MAP3K8: variants seen among roughly 807,000 people sequenced by gnomAD.
MAP3K8 encodes the protein Ewing sarcoma transformant.
Under a neutral mutation model 45.8 loss-of-function variants are expected in MAP3K8, and 22 were observed. That is an observed-to-expected ratio of 0.48 (90% confidence interval 0.34 to 0.69). MAP3K8 has a LOEUF of 0.69. Among genes scored for constraint, MAP3K8 ranks in the 30% least tolerant of loss-of-function variants. The pLI, the probability that MAP3K8 is intolerant of heterozygous loss-of-function variation, is 0.01. For synonymous variants in MAP3K8, 223 were observed against 214.3 expected, an observed-to-expected ratio of 1.04 and a Z score of -0.36; for missense variants, 419 against 585.0, an observed-to-expected ratio of 0.72 and a Z score of 2.93.
At position 30,451,729 on chromosome 10, in the gene MAP3K8, C is replaced by T. The variant is rs754968500; in HGVS notation, c.858C>T (p.Asp286=). Residue 286 remains aspartate, a synonymous_variant, in exon 6 of 9, where the codon GAC becomes GAT. Coordinates refer to ENST00000263056, the MANE Select transcript of MAP3K8 (RefSeq NM_005204.4). ...QMTEDVYFPK[D]LRGTEIYMSP... ...CCGAAGATGTCTATTTTCCTAAGGA[C>T]CTCCGAGGAACAGAGGTAATTATGT... The T allele has an allele frequency of 5.1e-6, 8 of 1,570,634 alleles. No individual in the cohort carries two copies. The Admixed American group carries it at 6.8e-5, about 13-fold the overall frequency.
At chr10:30,436,984 C>T (rs938007041) in intron 1 of MAP3K8, among the ~76,000 whole-genome samples, 192 bp from the exon 2 acceptor site, 25 of 151,822 alleles carry the variant, frequency 1.6e-4, no homozygotes, top group African/African-American at 6.1e-4. Flanking sequence ...AATGTTCCTC[C>T]ATTAATCTAA....
chr10:30,456,915 C>G (rs1464704167), intron 6 of MAP3K8, among the ~76,000 whole-genome samples: 1 of 152,126 alleles, frequency 6.6e-6, no homozygotes, highest in Non-Finnish European at 1.5e-5. Context: ...GAAACCCCAT[C>G]TCTACTAAAA....
Position 30,440,452 on chromosome 10 carries a change from A to G in MAP3K8, c.336+1178A>G, listed in dbSNP as rs142211111. Reference sequence around the variant, plus strand: ...ATACCACATTCATTTAATTAAAAACAACAGAGTAATTTAGGTCAGGTATGT... The same window carrying G: ...ATACCACATTCATTTAATTAAAAACGACAGAGTAATTTAGGTCAGGTATGT... On this transcript the variant is annotated intron_variant, in intron 3 of 8. Coordinates refer to ENST00000263056, the MANE Select transcript of MAP3K8 (RefSeq NM_005204.4). Among the ~76,000 whole-genome samples the G allele has an allele frequency of 5.3e-4, 81 of 152,332 alleles. No individual in the cohort carries two copies. The East Asian group carries it at 0.012, about 23-fold the overall frequency.
rs1036904872 is a variant in MAP3K8, at chr10:30,434,626, C to T, written c.-255+248C>T. On this transcript the variant is annotated intron_variant, in intron 1 of 8. Transcript: ENST00000263056. ...ACTCCTCCCCCTTCCTCCTCCTTCC[C>T]GTATCCGCAGCGCCAGGGCAGTGCT... 7.1e-6 allele frequency: 7 copies of T among 985,818 alleles called. No individual in the cohort carries two copies. In the African/African-American group the frequency reaches 1.0e-4, roughly 15 times the overall value. The allele number at this position is 985,818 out of a possible 1,614,324, so 61.1% of individuals were successfully genotyped here.
rs907046723 is a variant in MAP3K8 at position 30,461,353 on chromosome 10, C to T, written c.*517C>T. 1 of 209,108 alleles carries T rather than the reference C, an allele frequency of 4.8e-6. No individual in the cohort carries two copies. Among genetic ancestry groups the T allele is most frequent in the African/African-American group, 2.3e-5 (1 of 44,012 alleles). 13.0% of individuals were successfully genotyped at this position (209,108 alleles called of 1,614,324 possible). ...ACAACTTGAAGATTGTAGCAATAAGCTGGACTAGTGTCCTAAAAATGGCTA... is the reference window on the plus strand; with the variant it reads ...ACAACTTGAAGATTGTAGCAATAAGTTGGACTAGTGTCCTAAAAATGGCTA... On this transcript the variant is annotated 3_prime_UTR_variant, in exon 9 of 9. Transcript: ENST00000263056.
chr10:30,456,199 T>C (rs1433929153), intron 6 of MAP3K8, among the ~76,000 whole-genome samples: 1 of 152,216 alleles, frequency 6.6e-6, no homozygotes, highest in East Asian at 1.9e-4. Context: ...TTTATTTGAT[T>C]GTGGTAAGAA....
chr10:30,455,152 T>C (rs1245938032), intron 6 of MAP3K8, among the ~76,000 whole-genome samples: 1 of 152,212 alleles, frequency 6.6e-6, no homozygotes, highest in African/African-American at 2.4e-5. Flanking sequence ...AGTGCAAAAC[T>C]GTGCCTTGGT....
rs1302582568 is a variant in MAP3K8 at position 30,438,919 on chromosome 10, C to G, written c.-20C>G. The G allele has an allele frequency of 1.9e-6, 3 of 1,546,684 alleles. No homozygotes were observed. The highest frequency in any genetic ancestry group is 2.7e-6 in the Non-Finnish European group (3 of 1,130,704). On this transcript the variant is annotated 5_prime_UTR_variant, in exon 3 of 9. Coordinates refer to ENST00000263056, the MANE Select transcript of MAP3K8 (RefSeq NM_005204.4). ...ATATTTGTGTTTTCTTTCCTAGACT[C>G]TCCAGAAAGAGCAACAGTAATGGAG...
intron 6 of MAP3K8, among the ~76,000 whole-genome samples, chr10:30,454,597 T>A (rs1310057335): frequency 6.6e-6 from 1 of 150,726 alleles, no homozygotes; most frequent in Non-Finnish European, 1.5e-5. Flanking sequence ...ATTCTGTAAG[T>A]CCTTTCTCAA....
intron 8 of MAP3K8, 80 bp from the exon 9 acceptor site, chr10:30,460,626 T>G: frequency 8.2e-7 from 1 of 1,216,788 alleles, no homozygotes; most frequent in Admixed American, 2.4e-5. Context: ...CCCCAAAGAT[T>G]TATTTCACTG....
At chr10:30,441,660 C>A (rs988784857) in intron 3 of MAP3K8, among the ~76,000 whole-genome samples, 1 of 152,124 alleles carries the variant, frequency 6.6e-6, no homozygotes, top group East Asian at 1.9e-4. Flanking sequence ...TGGTCGATGG[C>A]TCTGGGGGGC....
intron 3 of MAP3K8, 129 bp downstream of exon 3, chr10:30,439,403 CAGTA>C: frequency 7.0e-7 from 1 of 1,432,118 alleles, no homozygotes; most frequent in Non-Finnish European, 9.3e-7. Context: ...ATGTAATCAT[CAGTA>C]AGAAGTACTT....
intron 3 of MAP3K8, among the ~76,000 whole-genome samples, chr10:30,443,244 T>C (rs570404453): frequency 6.6e-6 from 1 of 152,218 alleles, no homozygotes; most frequent in Non-Finnish European, 1.5e-5. Flanking sequence ...AGTTTACTCA[T>C]TCATAAAATG....
At position 30,460,145 on chromosome 10, in the gene MAP3K8, A is replaced by T. The variant is rs1045877631; in HGVS notation, c.1274-561A>T. On this transcript the variant is annotated intron_variant, in intron 8 of 8. Transcript: ENST00000263056. ...GGCGTGAGCAACCATGCCCAGCCTA[A>T]CTCATTTATATTAAGCCACCCCAGT... 2.0e-5 allele frequency among the ~76,000 whole-genome samples: 3 copies of T among 152,024 alleles called. No homozygotes were observed. The East Asian group carries it at 5.8e-4, about 29-fold the overall frequency.
chr10:30,444,564 A>G (rs303438), intron 3 of MAP3K8, among the ~76,000 whole-genome samples: 97,237 of 152,062 alleles, frequency 0.64, 31,488 homozygotes, highest in African/African-American at 0.67. Flanking sequence ...GGACTTGCAC[A>G]TTACACTAGA....
At chr10:30,451,892 C>T (rs1836552731) in intron 6 of MAP3K8, 148 bp downstream of exon 6, 1 of 492,346 alleles carries the variant, frequency 2.0e-6, no homozygotes, top group Admixed American at 3.6e-5. Flanking sequence ...ATTTAATGAG[C>T]ACTTGCTCTG....
rs8176981 is a variant in MAP3K8, at chr10:30,442,333, G to A, written c.336+3059G>A. Among the ~76,000 whole-genome samples, 1,462 of 152,296 alleles carry A rather than the reference G, an allele frequency of 9.6e-3. 20 individuals carry two copies. The highest frequency in any genetic ancestry group is 0.033 in the African/African-American group (1,358 of 41,558). On this transcript the variant is annotated intron_variant, in intron 3 of 8. Transcript: ENST00000263056. ...TCCAAGAAGGATTTATGCCTAAGCC[G>A]AGGTCTGAAGTGTTGAGTTGGAGTC... is the stretch of plus-strand genomic sequence containing the variant.
chr10:30,460,301 A>G (rs1015239963), intron 8 of MAP3K8, among the ~76,000 whole-genome samples: 1 of 152,224 alleles, frequency 6.6e-6, no homozygotes, highest in Non-Finnish European at 1.5e-5. Flanking sequence ...GAAAGTCAGT[A>G]TGCTTTCCAG....
At chr10:30,455,721 A>G (rs1187361971) in intron 6 of MAP3K8, among the ~76,000 whole-genome samples, 2 of 152,174 alleles carry the variant, frequency 1.3e-5, no homozygotes, top group Admixed American at 6.5e-5. Flanking sequence ...TCTAATAAAC[A>G]TATTGAAAGG....
Sources: allele counts gnomAD v4.1 joint callset (sites outside exome capture counted in the v4.1 genomes callset), GRCh38; gene constraint gnomAD v4.1.1; transcripts MANE v1.5; gene names NCBI Gene and HGNC (gene_info 2026-07-23, HGNC 2026-07-21).